The following SYNE2 variants were observed in gnomAD, a reference collection of about 807,000 sequenced individuals.
The protein encoded by SYNE2 is spectrin repeat containing nuclear envelope protein 2, also known as nesprin-2.
SYNE2 carries 431 observed loss-of-function variants against 856.3 expected under a neutral mutation model. The ratio of observed to expected loss-of-function variants is 0.50; its 90% CI spans 0.47 to 0.55. The LOEUF (loss-of-function observed/expected upper bound fraction) is 0.55. SYNE2 is among the 20% of genes least tolerant of loss of function. The pLI is 0.00. For missense variants in SYNE2, 8,129 were observed against 8,023.2 expected (o/e 1.01, Z -0.50); for synonymous variants, 2,923 against 2,872.3 (o/e 1.02, Z -0.56).
At chr14:64,166,911 C>T (rs866719963) in intron 90 of SYNE2, 9 of 353,930 alleles carry the variant, frequency 2.5e-5, no homozygotes, top group South Asian at 9.3e-5. Context: ...CCAGCCTGGG[C>T]GACAGAATGA....
At position 64,120,622 on chromosome 14, in the gene SYNE2, G is replaced by T. The variant is rs375322184; in HGVS notation, c.13024-305G>T. 7.2e-5 allele frequency among the ~76,000 whole-genome samples: 11 copies of T among 152,234 alleles called. No homozygotes were observed. In the East Asian group the frequency reaches 2.1e-3, roughly 29 times the overall value. On this transcript the variant is annotated intron_variant, in intron 67 of 115. Transcript: ENST00000555002. ...CCACTAAAAATACAAAAATTAGCTG[G>T]GTGTGGTGGGCACAACTGCAATCAC... is the stretch of plus-strand genomic sequence containing the variant.
In SYNE2 at chr14:64,092,446, T is replaced by C. The variant is rs1202487944; in HGVS notation, c.11977-903T>C. Among the ~76,000 whole-genome samples, 4 of 152,158 alleles carry C rather than the reference T, an allele frequency of 2.6e-5. No individual in the cohort carries two copies. In the East Asian group the frequency reaches 7.7e-4, roughly 29 times the overall value. On this transcript the variant is annotated intron_variant, in intron 60 of 115. Transcript: ENST00000555002. ...CCCTCGTTGTAGAAAATAAGACAAA[T>C]TCCTTTTGTGGAGAGAACGGGATGT... is the stretch of plus-strand genomic sequence containing the variant.
upstream of SYNE2, among the ~76,000 whole-genome samples, chr14:63,851,938 G>C (rs1388134613): frequency 1.5e-5 from 2 of 134,266 alleles, no homozygotes; most frequent in African/African-American, 5.7e-5. Flanking sequence ...AAAAATTACC[G>C]GTGTGGTGTC....
chr14:63,911,086 C>T (rs2095468015), intron 2 of SYNE2, among the ~76,000 whole-genome samples: 1 of 152,162 alleles, frequency 6.6e-6, no homozygotes, highest in South Asian at 2.1e-4. Context: ...TTTCTCTCTG[C>T]TCTTATCTCC....
At chr14:63,886,683 G>T (rs1461935771) in intron 1 of SYNE2, among the ~76,000 whole-genome samples, 1 of 152,058 alleles carries the variant, frequency 6.6e-6, no homozygotes, top group African/African-American at 2.4e-5. Flanking sequence ...CTTTTGAGAT[G>T]GAGTCTTGCA....
Position 64,112,453 on chromosome 14 carries a change from G to A in SYNE2, c.12610-888G>A, listed in dbSNP as rs2097818451. ...TTTTTCCATATTCTGAGGAAGGATA[G>A]ATAATACAGTGGGAGGTAAATACAT... On this transcript the variant is annotated intron_variant, in intron 65 of 115. Coordinates refer to ENST00000555002, the MANE Select transcript of SYNE2 (RefSeq NM_182914.3). Among the ~76,000 whole-genome samples, 4 of 152,184 alleles carry A rather than the reference G, an allele frequency of 2.6e-5. No individual in the cohort carries two copies. The South Asian group carries it at 8.3e-4, about 31-fold the overall frequency.
At chr14:64,099,325 A>C (rs2097702366) in intron 63 of SYNE2, 1 of 181,498 alleles carries the variant, frequency 5.5e-6, no homozygotes, top group African/African-American at 2.4e-5. Context: ...ACTTGAAAAA[A>C]TAAGTTGCAA....
Position 64,070,664 on chromosome 14 carries a change from T to C in SYNE2, c.10451T>C (p.Ile3484Thr). ...VSEEIEREAI[I>T]LDNLQEELPE... ...AATTAGATTGAACGAGAGGCAATTATTTTAGATAATCTTCAGGAAGAACTC... is the reference window on the plus strand; with the variant it reads ...AATTAGATTGAACGAGAGGCAATTACTTTAGATAATCTTCAGGAAGAACTC... Residue 3484 changes from isoleucine to threonine, a missense_variant, in exon 52 of 116, where the codon ATT (isoleucine) becomes ACT (threonine). Coordinates refer to ENST00000555002, the MANE Select transcript of SYNE2 (RefSeq NM_182914.3). 1.2e-6 allele frequency: 2 copies of C among 1,613,554 alleles called. No homozygotes were observed. Among genetic ancestry groups the C allele is most frequent in the Non-Finnish European group, 1.7e-6 (2 of 1,179,720 alleles).
At chr14:64,026,479 A>G in intron 41 of SYNE2, 100 bp from the exon 42 acceptor site, 3 of 921,004 alleles carry the variant, frequency 3.3e-6, no homozygotes, top group South Asian at 1.4e-5. Context: ...AATATACCCT[A>G]CAGATAGAAT....
chr14:64,109,845 C>G (rs1413682205), intron 65 of SYNE2, among the ~76,000 whole-genome samples: 5 of 152,130 alleles, frequency 3.3e-5, no homozygotes, highest in African/African-American at 1.2e-4. Flanking sequence ...ATGTCATCAG[C>G]CTTCTATCAG....
intron 45 of SYNE2, among the ~76,000 whole-genome samples, chr14:64,036,307 G>C (rs12897012): frequency 2.0e-5 from 3 of 152,078 alleles, no homozygotes; most frequent in Admixed American, 6.5e-5. Context: ...TTTGTTTGGA[G>C]AAAGGGTCTC....
chr14:64,170,289 G>A lies in SYNE2; in HGVS notation c.17062G>A (p.Val5688Ile). 1 of 1,614,164 alleles carries A rather than the reference G, an allele frequency of 6.2e-7. No individual in the cohort carries two copies. The highest frequency in any genetic ancestry group is 8.5e-7 in the Non-Finnish European group (1 of 1,180,042). ...TCGGTGGCAGAATGCTGTCCAGGGTGTTCGGCAGAGGAAGGGTGACGTTGA... is the reference window on the plus strand; with the variant it reads ...TCGGTGGCAGAATGCTGTCCAGGGTATTCGGCAGAGGAAGGGTGACGTTGA... ...TDRWQNAVQG[V>I]RQRKGDVDGL... The change falls in exon 94 of 116, where the codon GTT becomes ATT. Residue 5688 changes from valine (V) to isoleucine (I), a missense_variant. Coordinates refer to ENST00000555002, the MANE Select transcript of SYNE2 (RefSeq NM_182914.3).
At position 64,202,712 on chromosome 14, in the gene SYNE2, G is replaced by A. The variant is rs2098579902; in HGVS notation, c.18039-89G>A. On this transcript the variant is annotated intron_variant, in intron 99 of 115. Coordinates refer to ENST00000555002, the MANE Select transcript of SYNE2 (RefSeq NM_182914.3). ...TTTTTACCCTGCAATGCTCTTACTG[G>A]CACATTCTTCCACCACTAAGTATTG... The A allele has an allele frequency of 2.5e-5, 39 of 1,552,722 alleles. No individual in the cohort carries two copies. In the South Asian group the frequency reaches 4.2e-4, roughly 17 times the overall value.
intron 100 of SYNE2, among the ~76,000 whole-genome samples, chr14:64,207,592 A>G (rs1266237623): frequency 6.6e-6 from 1 of 151,902 alleles, no homozygotes. Flanking sequence ...CCCATCTAGT[A>G]ATATAGTAGT....
intron 62 of SYNE2, 120 bp from the exon 63 acceptor site, chr14:64,098,627 G>A (rs1486254790): frequency 6.3e-6 from 6 of 953,924 alleles, no homozygotes; most frequent in Non-Finnish European, 9.9e-6. Flanking sequence ...CTTCTTGTGG[G>A]GGTGGGCATC....
At position 64,053,424 on chromosome 14, in the gene SYNE2, C is replaced by G. The variant is rs80035540; in HGVS notation, c.9511C>G (p.Gln3171Glu). Residue 3171 changes from glutamine to glutamate, a missense_variant, in exon 48 of 116, where the codon CAA becomes GAA. Coordinates refer to ENST00000555002, the MANE Select transcript of SYNE2 (RefSeq NM_182914.3). The stretch of plus-strand genomic sequence containing the variant: ...ACATGTTTTAAATCAGATAAAATCT[C>G]AATTACAGCAGCCATTACTTATAAA... ...SLHVLNQIKS[Q>E]LQQPLLINLE... 1 of 1,612,818 alleles carries G rather than the reference C, an allele frequency of 6.2e-7. No homozygotes were observed. Among genetic ancestry groups the G allele is most frequent in the Non-Finnish European group, 8.5e-7 (1 of 1,179,788 alleles).
intron 1 of SYNE2, among the ~76,000 whole-genome samples, chr14:63,820,651 A>C (rs527775972): frequency 6.6e-6 from 1 of 152,202 alleles, no homozygotes. Flanking sequence ...TATCTGATAA[A>C]GCACTTATAT....
chr14:64,006,073 A>T (rs79792044), intron 30 of SYNE2, among the ~76,000 whole-genome samples: 1 of 152,200 alleles, frequency 6.6e-6, no homozygotes, highest in Non-Finnish European at 1.5e-5. Flanking sequence ...GGATTTTGCA[A>T]TGTGGAGGCC....
intron 108 of SYNE2, among the ~76,000 whole-genome samples, chr14:64,216,656 T>C (rs1158342414): frequency 6.6e-6 from 1 of 152,178 alleles, no homozygotes; most frequent in Non-Finnish European, 1.5e-5. Context: ...TCGAGTCAGG[T>C]GTCTGTGCAA....
Sources: allele counts gnomAD v4.1 joint callset (sites outside exome capture counted in the v4.1 genomes callset), GRCh38; gene constraint gnomAD v4.1.1; transcripts MANE v1.5; gene names NCBI Gene and HGNC (gene_info 2026-07-23, HGNC 2026-07-21).